The following GLDC variants were observed in gnomAD, a reference collection of about 807,000 sequenced individuals.
GLDC encodes the protein glycine dehydrogenase (decarboxylating), mitochondrial.
GLDC carries 104 observed loss-of-function variants against 121.3 expected under a neutral mutation model. The observed-to-expected ratio is 0.86, with a 90% confidence interval of 0.73 to 1.01. The LOEUF is 1.01. GLDC is among the 50% of genes least tolerant of loss of function. The pLI, the probability that GLDC is intolerant of heterozygous loss-of-function variation, is 0.00. For synonymous variants in GLDC, 546 were observed against 480.6 expected (o/e 1.14, Z -1.78); for missense variants, 1,429 against 1,306.6 (o/e 1.09, Z -1.44).
At chr9:6,610,826 C>T (rs1227812100) in intron 3 of GLDC, among the ~76,000 whole-genome samples, 2 of 152,176 alleles carry the variant, frequency 1.3e-5, no homozygotes, top group African/African-American at 4.8e-5. Flanking sequence ...TCTTGAACTC[C>T]TGAGCTCAAG....
intron 3 of GLDC, among the ~76,000 whole-genome samples, chr9:6,611,818 T>C (rs1352378420): frequency 6.6e-6 from 1 of 152,186 alleles, no homozygotes; most frequent in African/African-American, 2.4e-5. Context: ...ATGGACTAGA[T>C]TGTATGTGTG....
At chr9:6,600,012 G>C (rs942624714) in intron 8 of GLDC, among the ~76,000 whole-genome samples, 2 of 152,146 alleles carry the variant, frequency 1.3e-5, no homozygotes, top group Non-Finnish European at 2.9e-5. Context: ...TGAGACGAAA[G>C]AGCACTCTAC....
chr9:6,537,626 C>G (rs920658390), intron 22 of GLDC, among the ~76,000 whole-genome samples: 1 of 152,206 alleles, frequency 6.6e-6, no homozygotes, highest in East Asian at 1.9e-4. Context: ...ACAAAAAATA[C>G]AAAAATTAGC....
chr9:6,571,016 A>G (rs1202840998), intron 15 of GLDC, among the ~76,000 whole-genome samples: 1 of 152,154 alleles, frequency 6.6e-6, no homozygotes, highest in East Asian at 1.9e-4. Context: ...TATAATATCT[A>G]TAGCATCCAG....
In GLDC at chr9:6,602,041, G is replaced by C. The variant is rs934678632; in HGVS notation, c.1155+68C>G. Reference sequence around the variant, plus strand: ...GTGGTGAATAAATGAACAAATGAATGAATGAATGAGTAGCTCATTTCTGTG... The same window carrying C: ...GTGGTGAATAAATGAACAAATGAATCAATGAATGAGTAGCTCATTTCTGTG... On this transcript the variant is annotated intron_variant, in intron 8 of 24. Coordinates refer to ENST00000321612, the MANE Select transcript of GLDC (RefSeq NM_000170.3). 32 of 944,236 alleles carry C rather than the reference G, an allele frequency of 3.4e-5. No homozygotes were observed. The African/African-American group carries it at 5.1e-4, about 15-fold the overall frequency. The allele number at this position is 944,236 out of a possible 1,614,324, so 58.5% of individuals were successfully genotyped here.
At chr9:6,629,937 A>ATATATG (rs1272774357) in intron 2 of GLDC, among the ~76,000 whole-genome samples, 1 of 82,010 alleles carries the variant, frequency 1.2e-5, no homozygotes, top group African/African-American at 1.0e-4. Context: ...CACTATATAT[A>ATATATG]TATATATGTA....
At chr9:6,622,980 T>A (rs1819145459) in intron 2 of GLDC, 1 of 186,026 alleles carries the variant, frequency 5.4e-6, no homozygotes, top group Non-Finnish European at 1.1e-5. Flanking sequence ...AGCCACCCCG[T>A]CCGGGAGGGA....
chr9:6,576,891 G>T (rs1185747155), intron 15 of GLDC, among the ~76,000 whole-genome samples: 1 of 152,166 alleles, frequency 6.6e-6, no homozygotes, highest in Non-Finnish European at 1.5e-5. Flanking sequence ...TCACTTTTCT[G>T]TTGCTAGAGA....
chr9:6,551,311 T>C (rs1817509797), intron 20 of GLDC, among the ~76,000 whole-genome samples: 1 of 152,306 alleles, frequency 6.6e-6, no homozygotes, highest in East Asian at 1.9e-4. Flanking sequence ...TCTGGGCCAA[T>C]ATCTCCACGG....
At chr9:6,535,597 A>G (rs955466085) in intron 23 of GLDC, among the ~76,000 whole-genome samples, 19 of 152,126 alleles carry the variant, frequency 1.2e-4, no homozygotes, top group African/African-American at 2.4e-5. Context: ...CTCTGACCAG[A>G]TGTAAAATTA....
chr9:6,612,253 T>TCACACACACACA (rs111819532), intron 3 of GLDC, among the ~76,000 whole-genome samples: 431 of 150,104 alleles, frequency 2.9e-3, no homozygotes, highest in African/African-American at 9.8e-3. Context: ...TCTCTCTCTC[T>TCACACACACACA]CACACACACT....
rs765661419 is a variant in GLDC, at chr9:6,554,674, G to C, written c.2310C>G (p.Ile770Met). The change falls in exon 19 of 25, where the codon ATC becomes ATG. Residue 770 changes from isoleucine (I) to methionine (M), a missense_variant. Transcript: ENST00000321612. ...ACCAGCAGCCCAGAACTTACACTCC[G>C]ATGGGCCCCATGCCAGGACCACCTC... ...HGGGGPGMGPIGVKKHLAPFL... is the reference protein window; with the variant it reads ...HGGGGPGMGPMGVKKHLAPFL... 1 of 1,607,496 alleles carries C rather than the reference G, an allele frequency of 6.2e-7. No homozygotes were observed. Among genetic ancestry groups the C allele is most frequent in the East Asian group, 2.2e-5 (1 of 44,848 alleles).
In GLDC at chr9:6,550,837, T is replaced by A; in HGVS notation, c.2535A>T (p.Glu845Asp). ...LNANYMAKRL[E>D]THYRILFRGA... ...CCCTGAAAAGAATTCTGTAGTGTGT[T>A]TCTAATCGCTTGGCCATGTAGTTGG... The change falls in exon 21 of 25, where the codon GAA (glutamate) becomes GAT (aspartate). Residue 845 changes from glutamate (E) to aspartate (D), a missense_variant. Transcript: ENST00000321612. 2 of 1,613,456 alleles carry A rather than the reference T, an allele frequency of 1.2e-6. No individual in the cohort carries two copies. Among genetic ancestry groups the A allele is most frequent in the Non-Finnish European group, 1.7e-6 (2 of 1,179,346 alleles).
At chr9:6,626,146 C>G (rs748203494) in intron 2 of GLDC, among the ~76,000 whole-genome samples, 1 of 151,802 alleles carries the variant, frequency 6.6e-6, no homozygotes, top group East Asian at 1.9e-4. Flanking sequence ...ATTTTCCACT[C>G]CTGTGATAGT....
At chr9:6,594,696 C>T (rs1204773081) in intron 9 of GLDC, among the ~76,000 whole-genome samples, 1 of 149,830 alleles carries the variant, frequency 6.7e-6, no homozygotes, top group African/African-American at 2.5e-5. Flanking sequence ...CTCCATTAAG[C>T]AAGGAAGCAA....
At chr9:6,538,900 G>A (rs1474263878) in intron 22 of GLDC, among the ~76,000 whole-genome samples, 1 of 152,198 alleles carries the variant, frequency 6.6e-6, no homozygotes, top group Non-Finnish European at 1.5e-5. Flanking sequence ...GATGGGATTG[G>A]TAATTTCATT....
chr9:6,560,452 G>A (rs139245230), intron 16 of GLDC, among the ~76,000 whole-genome samples: 1 of 152,308 alleles, frequency 6.6e-6, no homozygotes, highest in Non-Finnish European at 1.5e-5. Context: ...GTTATGTCAC[G>A]TTGTCCTCAA....
intron 8 of GLDC, among the ~76,000 whole-genome samples, chr9:6,601,522 T>G (rs1458433931): frequency 6.9e-6 from 1 of 145,264 alleles, no homozygotes; most frequent in Non-Finnish European, 1.5e-5. Context: ...ATGCTTTTTA[T>G]TTTTTTTAGT....
chr9:6,554,755 G>A lies in GLDC; in HGVS notation c.2229C>T (p.Phe743=), dbSNP rs144317480. 48 of 1,613,284 alleles carry A rather than the reference G, an allele frequency of 3.0e-5. No homozygotes were observed. Among genetic ancestry groups the A allele is most frequent in the East Asian group, 4.5e-5 (2 of 44,880 alleles). The change falls in exon 19 of 25, where the codon TTC becomes TTT. Residue 743 remains phenylalanine (F), a synonymous_variant. Coordinates refer to ENST00000321612, the MANE Select transcript of GLDC (RefSeq NM_000170.3). ...AQVGICRPGD[F]GSDVSHLNLH... is the part of the protein sequence containing the mutation. ...GATTTAGGTGCGAGACATCAGACCC[G>A]AAGTCTCCAGGGCGACAGATTCCCA...
Sources: gnomAD v4.1 joint callset for allele counts (sites outside exome capture counted in the v4.1 genomes callset) on GRCh38, gnomAD v4.1.1 for gene constraint, MANE v1.5 for transcripts, NCBI Gene and HGNC (gene_info 2026-07-23, HGNC 2026-07-21) for gene names.